ABCB7: variants seen among roughly 807,000 people sequenced by gnomAD.
ABCB7 encodes iron-sulfur clusters transporter ABCB7, mitochondrial.
Under a neutral mutation model 54.4 loss-of-function variants are expected in ABCB7, and 7 were observed. The ratio of observed to expected loss-of-function variants is 0.13; its 90% CI spans 0.07 to 0.24. The LOEUF is 0.24. Ranked by LOEUF, ABCB7 falls within the 10% of genes least tolerant of loss-of-function variation. ABCB7 has a pLI of 1.00. For synonymous variants in ABCB7, 218 were observed against 207.1 expected (o/e 1.05, Z -0.45); for missense variants, 356 against 570.4 (o/e 0.62, Z 3.83).
intron 1 of ABCB7, among the ~76,000 whole-genome samples, chrX:75,141,511 T>C (rs1197589485): frequency 9.0e-6 from 1 of 111,603 alleles, no homozygotes; most frequent in Non-Finnish European, 1.9e-5. Context: ...TCATTAAATA[T>C]TGTTGAAAAA....
rs960064116 is a variant in ABCB7, at chrX:75,060,351, A to G, written c.1936-21T>C. The G allele has an allele frequency of 2.8e-6, 3 of 1,072,216 alleles. No homozygotes were observed. The Admixed American group carries it at 6.6e-5, about 24-fold the overall frequency. The allele number at this position is 1,072,216 out of a possible 1,213,427, so 88.4% of individuals were successfully genotyped here. A position where few individuals can be genotyped will look rare whatever the true frequency, so the allele number is the denominator to read the frequency against. On this transcript the variant is annotated intron_variant, in intron 14 of 15. Transcript: ENST00000373394. Reference sequence around the variant, plus strand: ...ATAGTCTGCAAGTTTGGTAATATGAAGAACAGGAGAAAATAAAAAGAAGTA... The same window carrying G: ...ATAGTCTGCAAGTTTGGTAATATGAGGAACAGGAGAAAATAAAAAGAAGTA...
At chrX:75,087,427 T>C (rs1413905162) in intron 4 of ABCB7, among the ~76,000 whole-genome samples, 1 of 112,337 alleles carries the variant, frequency 8.9e-6, no homozygotes, top group Non-Finnish European at 1.9e-5. Flanking sequence ...TTATTTTATA[T>C]TGTATACATT....
intron 1 of ABCB7, among the ~76,000 whole-genome samples, chrX:75,116,742 AT>A (rs747386358): frequency 2.7e-5 from 3 of 111,241 alleles, no homozygotes; most frequent in African/African-American, 9.8e-5. Flanking sequence ...GCTGGGCTAC[AT>A]TTCCAGGTGG....
Position 75,156,204 on chromosome X carries a change from G to A in ABCB7, c.69C>T (p.His23=), listed in dbSNP as rs1266656287. 1 of 1,205,582 alleles carries A rather than the reference G, an allele frequency of 8.3e-7. No individual in the cohort carries two copies. Among genetic ancestry groups the A allele is most frequent in the Middle Eastern group, 2.4e-4 (1 of 4,248 alleles). The change falls in exon 1 of 16, where the codon CAC becomes CAT. Residue 23 remains histidine (H), a synonymous_variant. Coordinates refer to ENST00000373394, the MANE Select transcript of ABCB7 (RefSeq NM_001271696.3). The part of the protein sequence containing the change: ...AAAAAFEKRR[H]SAILIRPLVS... The stretch of plus-strand genomic sequence containing the variant: ...CTAAAGGCCGGATCAGAATCGCGGA[G>A]TGCCGGCGCTTTTCGAAAGCAGCCG...
At chrX:75,079,019 T>C (rs768292431) in intron 4 of ABCB7, among the ~76,000 whole-genome samples, 1 of 111,982 alleles carries the variant, frequency 8.9e-6, no homozygotes, top group South Asian at 3.7e-4. Flanking sequence ...TCACAGCCCA[T>C]TATACCTTTT....
chrX:75,071,874 C>T (rs960162078), intron 8 of ABCB7, among the ~76,000 whole-genome samples, 191 bp from the exon 9 acceptor site: 2 of 111,066 alleles, frequency 1.8e-5, no homozygotes, highest in Non-Finnish European at 3.8e-5. Context: ...TTTGAAAAGT[C>T]CACAAAATTC....
chrX:75,104,175 C>T (rs766180948), intron 3 of ABCB7, among the ~76,000 whole-genome samples: 2 of 98,310 alleles, frequency 2.0e-5, no homozygotes, highest in Non-Finnish European at 4.1e-5. Flanking sequence ...TTTTTCTATG[C>T]CTACTGTGCT....
Position 75,076,693 on chromosome X carries a change from A to T in ABCB7, c.454-39T>A, listed in dbSNP as rs371353485. 33 of 1,161,930 alleles carry T rather than the reference A, an allele frequency of 2.8e-5. No homozygotes were observed. The African/African-American group carries it at 5.0e-4, about 18-fold the overall frequency. On this transcript the variant is annotated intron_variant, in intron 4 of 15. Coordinates refer to ENST00000373394, the MANE Select transcript of ABCB7 (RefSeq NM_001271696.3). ...AACATCAATTACCCATTATACACAA[A>T]ATACTTATTTATAAAAGTACAAATA...
At chrX:75,080,390 C>T (rs1274714596) in intron 4 of ABCB7, among the ~76,000 whole-genome samples, 1 of 111,505 alleles carries the variant, frequency 9.0e-6, no homozygotes, top group Non-Finnish European at 1.9e-5. Context: ...GTGCAACCTC[C>T]ACCTCCCGGG....
chrX:75,071,599 T>C lies in ABCB7; in HGVS notation c.1117A>G (p.Thr373Ala). The change falls in exon 9 of 16, where the codon ACT (threonine) becomes GCT (alanine). Residue 373 changes from threonine (T) to alanine (A), a missense_variant. This residue lies in a region of ABCB7 where 241 missense variants were observed against 470.9 expected (regional missense o/e 0.51). Transcript: ENST00000373394. ...TGACCAAAGTTCAGCATAGCCAGAG[T>C]AGAGGTACTTTTCAATGAAGCAGTC... Reference protein sequence around the residue: ...YETASLKSTSTLAMLNFGQSA... With the variant: ...YETASLKSTSALAMLNFGQSA... 8.3e-7 allele frequency: 1 copy of C among 1,208,440 alleles called. No homozygotes were observed. Among genetic ancestry groups the C allele is most frequent in the Non-Finnish European group, 1.1e-6 (1 of 893,119 alleles).
intron 5 of ABCB7, among the ~76,000 whole-genome samples, chrX:75,075,846 G>A (rs2147471204): frequency 9.0e-6 from 1 of 111,658 alleles, no homozygotes; most frequent in South Asian, 3.7e-4. Flanking sequence ...TTTCCTCCAG[G>A]TTTCAGACAT....
chrX:75,074,808 A>G (rs1261421112), intron 6 of ABCB7, among the ~76,000 whole-genome samples: 2 of 111,266 alleles, frequency 1.8e-5, no homozygotes, highest in Non-Finnish European at 1.9e-5. Context: ...CACAGACACA[A>G]TGAGGGGAAT....
chrX:75,094,506 A>T (rs2081574268), intron 4 of ABCB7, among the ~76,000 whole-genome samples: 1 of 111,408 alleles, frequency 9.0e-6, no homozygotes, highest in African/African-American at 3.3e-5. Context: ...TGAGGTCAGG[A>T]GTTTGAGACC....
intron 15 of ABCB7, among the ~76,000 whole-genome samples, chrX:75,057,117 A>G (rs968993175): frequency 7.2e-4 from 81 of 111,872 alleles, no homozygotes; most frequent in African/African-American, 2.5e-3. Flanking sequence ...AACACTAAGC[A>G]TGGTTCAAAA....
chrX:75,053,292 A>G lies in ABCB7; in HGVS notation c.*78T>C. The G allele has an allele frequency of 8.8e-7, 1 of 1,140,322 alleles. No individual in the cohort carries two copies. The allele number at this position is 1,140,322 out of a possible 1,213,427, so 94.0% of individuals were successfully genotyped here. On this transcript the variant is annotated 3_prime_UTR_variant, in exon 16 of 16. Coordinates refer to ENST00000373394, the MANE Select transcript of ABCB7 (RefSeq NM_001271696.3). ...GGATTATAGAAAATGGGAATGTATG[A>G]TTTTTTTAATAAAACAATTCTGCTT... is the stretch of plus-strand genomic sequence containing the variant.
At chrX:75,103,674 T>C (rs2081658025) in intron 3 of ABCB7, among the ~76,000 whole-genome samples, 1 of 109,710 alleles carries the variant, frequency 9.1e-6, no homozygotes, top group African/African-American at 3.3e-5. Context: ...ACTATCCTTG[T>C]AGAGATCTTG....
intron 4 of ABCB7, among the ~76,000 whole-genome samples, chrX:75,092,370 C>A (rs186664967): frequency 9.1e-6 from 1 of 110,237 alleles, no homozygotes; most frequent in Admixed American, 9.6e-5. Context: ...ACTGGACATG[C>A]CAATGGAAAA....
chrX:75,084,838 A>G (rs1344869647), intron 4 of ABCB7, among the ~76,000 whole-genome samples: 2 of 111,905 alleles, frequency 1.8e-5, no homozygotes, highest in African/African-American at 6.5e-5. Context: ...ACACTTCACA[A>G]AAGGAAGATA....
intron 4 of ABCB7, among the ~76,000 whole-genome samples, chrX:75,084,144 G>C (rs1259028149): frequency 2.7e-5 from 3 of 111,438 alleles, no homozygotes; most frequent in African/African-American, 9.8e-5. Context: ...GCAGGAAAAG[G>C]CAAGGAAATA....
Sources: allele counts gnomAD v4.1 joint callset (sites outside exome capture counted in the v4.1 genomes callset), GRCh38; gene constraint gnomAD v4.1.1; regional missense constraint gnomAD v4.1.1; transcripts MANE v1.5; gene names NCBI Gene and HGNC (gene_info 2026-07-23, HGNC 2026-07-21).